The following DPP6 variants were observed in gnomAD, a reference collection of about 807,000 sequenced individuals.
DPP6 encodes the protein dipeptidyl peptidase like 6.
A neutral mutation model predicts 122.6 loss-of-function variants in DPP6; 69 were observed. That is an observed-to-expected ratio of 0.56 (90% CI 0.46 to 0.69). DPP6 has a LOEUF of 0.69. Ranked by LOEUF, DPP6 falls within the 30% of genes least tolerant of loss-of-function variation. The pLI, the probability that DPP6 is intolerant of heterozygous loss-of-function variation, is 0.00. For synonymous variants in DPP6, 418 were observed against 433.1 expected, an observed-to-expected ratio of 0.97 and a Z score of 0.43; for missense variants, 928 against 1,116.9, an observed-to-expected ratio of 0.83 and a Z score of 2.41.
chr7:154,364,203 G>A (rs1374204442), intron 1 of DPP6, among the ~76,000 whole-genome samples: 1 of 152,172 alleles, frequency 6.6e-6, no homozygotes, highest in African/African-American at 2.4e-5. Context: ...AGAAAAGACT[G>A]TTGTCCCAAC....
At chr7:154,768,702 C>A (rs1796057119) in intron 8 of DPP6, among the ~76,000 whole-genome samples, 9 of 152,214 alleles carry the variant, frequency 5.9e-5, no homozygotes, top group Admixed American at 5.9e-4. Context: ...CTAACCAGGA[C>A]ACTGATGGGC....
chr7:154,500,869 C>T (rs1280508247), intron 3 of DPP6, among the ~76,000 whole-genome samples: 3 of 152,134 alleles, frequency 2.0e-5, no homozygotes, highest in African/African-American at 7.2e-5. Context: ...GTTTGGAGAG[C>T]TCAGAAGAAG....
intron 1 of DPP6, among the ~76,000 whole-genome samples, chr7:154,266,543 C>A (rs1447123319): frequency 6.6e-6 from 1 of 152,192 alleles, no homozygotes; most frequent in East Asian, 1.9e-4. Flanking sequence ...TAAGCCATTG[C>A]ACTCCAGCCT....
intron 5 of DPP6, among the ~76,000 whole-genome samples, chr7:154,615,448 T>C (rs1358545086): frequency 1.3e-5 from 2 of 152,234 alleles, no homozygotes; most frequent in African/African-American, 4.8e-5. Flanking sequence ...TAATCACATA[T>C]TGAATTTTAA....
chr7:154,867,843 T>A (rs560306481), intron 17 of DPP6, among the ~76,000 whole-genome samples, 152 bp from the exon 18 acceptor site: 1 of 152,292 alleles, frequency 6.6e-6, no homozygotes, highest in South Asian at 2.1e-4. Context: ...TGTTTTTTAA[T>A]GCCCAGTTTC....
At chr7:154,544,929 G>A (rs973280854) in intron 4 of DPP6, among the ~76,000 whole-genome samples, 2 of 152,172 alleles carry the variant, frequency 1.3e-5, no homozygotes, top group Non-Finnish European at 2.9e-5. Flanking sequence ...GGGCGGCTGC[G>A]TGGGTCCAGG....
intron 1 of DPP6, among the ~76,000 whole-genome samples, chr7:154,111,616 G>C (rs146273148): frequency 4.8e-5 from 6 of 126,158 alleles, no homozygotes; most frequent in Non-Finnish European, 1.0e-4. Flanking sequence ...AACAGGCAGG[G>C]TTTCGTGTGT....
intron 16 of DPP6, among the ~76,000 whole-genome samples, chr7:154,837,735 T>C (rs1414976664): frequency 1.3e-5 from 2 of 152,174 alleles, no homozygotes; most frequent in Non-Finnish European, 2.9e-5. Flanking sequence ...CCTGACAAAA[T>C]CTCTGTATTT....
the DPP6 span, among the ~76,000 whole-genome samples, chr7:153,799,634 C>T: frequency 2.6e-5 from 4 of 152,268 alleles, 1 homozygote; most frequent in South Asian, 8.3e-4. Flanking sequence ...TTAAACTTCT[C>T]ATCCATGTGT....
At chr7:154,389,315 C>T (rs748117107) in intron 1 of DPP6, among the ~76,000 whole-genome samples, 5 of 152,098 alleles carry the variant, frequency 3.3e-5, no homozygotes, top group Non-Finnish European at 5.9e-5. Flanking sequence ...GATGGTGCTG[C>T]CTTCTGAAAG....
chr7:154,580,615 A>G (rs1175386669), intron 5 of DPP6, among the ~76,000 whole-genome samples: 1 of 152,158 alleles, frequency 6.6e-6, no homozygotes, highest in Non-Finnish European at 1.5e-5. Context: ...ACTGACATTC[A>G]ACACGAGCTG....
intron 7 of DPP6, among the ~76,000 whole-genome samples, chr7:154,685,847 T>G (rs868765628): frequency 1.3e-5 from 2 of 152,370 alleles, no homozygotes; most frequent in Non-Finnish European, 2.9e-5. Context: ...TTCTTTTTCT[T>G]TGAATCCTGG....
At chr7:154,543,642 T>C (rs374007625) in intron 4 of DPP6, among the ~76,000 whole-genome samples, 2 of 152,232 alleles carry the variant, frequency 1.3e-5, no homozygotes, top group African/African-American at 4.8e-5. Flanking sequence ...TCATCCTTTA[T>C]TGTGCTTTTA....
At chr7:154,170,620 C>A (rs1797488583) in intron 1 of DPP6, among the ~76,000 whole-genome samples, 1 of 152,210 alleles carries the variant, frequency 6.6e-6, no homozygotes, top group Non-Finnish European at 1.5e-5. Context: ...TTTGATAGAA[C>A]CTGGCTGCCA....
At chr7:154,157,324 A>C (rs1008190072) in intron 1 of DPP6, among the ~76,000 whole-genome samples, 14 of 152,230 alleles carry the variant, frequency 9.2e-5, no homozygotes, top group African/African-American at 3.4e-4. Flanking sequence ...GAAAGCCAGG[A>C]GCCCGGCACA....
At chr7:154,709,091 T>C (rs1387295948) in intron 7 of DPP6, among the ~76,000 whole-genome samples, 1 of 152,190 alleles carries the variant, frequency 6.6e-6, no homozygotes, top group Non-Finnish European at 1.5e-5. Context: ...GCATTCCTAA[T>C]ATAAATTAAC....
At chr7:154,262,713 G>A (rs1803115763) in intron 1 of DPP6, among the ~76,000 whole-genome samples, 1 of 151,644 alleles carries the variant, frequency 6.6e-6, no homozygotes, top group Non-Finnish European at 1.5e-5. Context: ...GAGACCCAAG[G>A]ACAGCAAATC....
At chr7:154,768,197 G>A (rs185573976) in intron 8 of DPP6, among the ~76,000 whole-genome samples, 3 of 152,340 alleles carry the variant, frequency 2.0e-5, no homozygotes, top group East Asian at 3.9e-4. Flanking sequence ...CCCTCCTCCC[G>A]GCCAGCTGGT....
At chr7:153,790,511 A>G in the DPP6 span, among the ~76,000 whole-genome samples, 1 of 152,292 alleles carries the variant, frequency 6.6e-6, no homozygotes, top group South Asian at 2.1e-4. Context: ...TTTGGCTTTA[A>G]GTCTCCTAAG....
Sources: allele counts gnomAD v4.1 joint callset (sites outside exome capture counted in the v4.1 genomes callset), GRCh38; gene constraint gnomAD v4.1.1; transcripts MANE v1.5; gene names NCBI Gene and HGNC (gene_info 2026-07-23, HGNC 2026-07-21).